Variants in STRN observed in about 807,000 individuals in gnomAD.
STRN encodes the protein protein phosphatase 2 regulatory subunit B'''alpha.
Under a neutral mutation model 96.3 loss-of-function variants are expected in STRN, and 53 were observed. That is an observed-to-expected ratio of 0.55 (90% confidence interval 0.44 to 0.69). The LOEUF (loss-of-function observed/expected upper bound fraction) is 0.69, where lower values mean the gene tolerates loss of function less well. Ranked by LOEUF, STRN falls within the 30% of genes least tolerant of loss-of-function variation. The pLI is 0.00. For synonymous variants in STRN, 428 were observed against 355.9 expected, an observed-to-expected ratio of 1.20 and a Z score of -2.28; for missense variants, 987 against 963.9, an observed-to-expected ratio of 1.02 and a Z score of -0.32.
In STRN at chr2:36,841,415, C is replaced by G. The variant is rs1667948228; in HGVS notation, c.*8041G>C. 6.6e-6 allele frequency: 1 copy of G among 152,076 alleles called. No individual in the cohort carries two copies. Among genetic ancestry groups the G allele is most frequent in the African/African-American group, 2.4e-5 (1 of 41,412 alleles). 9.4% of individuals were successfully genotyped at this position (152,076 alleles called of 1,614,324 possible). A position where few individuals can be genotyped will look rare whatever the true frequency, so the allele number is the denominator to read the frequency against. On this transcript the variant is annotated 3_prime_UTR_variant, in exon 18 of 18. Transcript: ENST00000263918. The stretch of plus-strand genomic sequence containing the variant: ...GAAGGTTGTTGGGGAGGGTATTATT[C>G]ACAAACAACTGTCAAAAGATATGAG...
chr2:36,838,328 G>A lies in STRN; in HGVS notation c.*11128C>T, dbSNP rs1363847507. 6.6e-6 allele frequency among the ~76,000 whole-genome samples: 1 copy of A among 152,176 alleles called. No homozygotes were observed. The highest frequency in any genetic ancestry group is 1.5e-5 in the Non-Finnish European group (1 of 68,032). On this transcript the variant is annotated 3_prime_UTR_variant, in exon 18 of 18. Transcript: ENST00000263918. ...CTTTAGTTGAGTACCCACCCTGGAA[G>A]ACACTTTCATTTCAGCCTTGTTGGG...
Position 36,849,350 on chromosome 2 carries a change from G to C in STRN, c.*106C>G, listed in dbSNP as rs551674560. The C allele has an allele frequency of 5.4e-6, 7 of 1,305,796 alleles. No homozygotes were observed. In the Admixed American group the frequency reaches 1.3e-4, roughly 25 times the overall value. 80.9% of individuals were successfully genotyped at this position (1,305,796 alleles called of 1,614,324 possible). A position where few individuals can be genotyped will look rare whatever the true frequency, so the allele number is the denominator to read the frequency against. On this transcript the variant is annotated 3_prime_UTR_variant, in exon 18 of 18. Transcript: ENST00000263918. Reference sequence around the variant, plus strand: ...AACAAATGTTCTCTGTGCTCCTTCAGCAGAACAAAAGGGCAGGACGAGATG... The same window carrying C: ...AACAAATGTTCTCTGTGCTCCTTCACCAGAACAAAAGGGCAGGACGAGATG...
chr2:36,892,675 C>A (rs1669431152), intron 7 of STRN, among the ~76,000 whole-genome samples: 1 of 152,128 alleles, frequency 6.6e-6, no homozygotes, highest in African/African-American at 2.4e-5. Context: ...CCCAAACCAA[C>A]AGATCCCTAT....
At chr2:36,929,789 CT>C (rs1670523779) in intron 1 of STRN, among the ~76,000 whole-genome samples, 1 of 152,126 alleles carries the variant, frequency 6.6e-6, no homozygotes, top group Non-Finnish European at 1.5e-5. Flanking sequence ...ACACAAAATT[CT>C]TGGGTTGGAC....
chr2:36,901,820 C>G (rs1669691350), intron 5 of STRN, among the ~76,000 whole-genome samples: 1 of 152,106 alleles, frequency 6.6e-6, no homozygotes, highest in Non-Finnish European at 1.5e-5. Context: ...TACCTAATCC[C>G]ATAATTTTAA....
At chr2:36,932,823 A>G (rs1318629552) in intron 1 of STRN, among the ~76,000 whole-genome samples, 1 of 152,180 alleles carries the variant, frequency 6.6e-6, no homozygotes, top group African/African-American at 2.4e-5. Flanking sequence ...TCGTATACAG[A>G]AAACCCTCAA....
Position 36,893,920 on chromosome 2 carries a change from A to C in STRN, c.909T>G (p.Ser303Arg), listed in dbSNP as rs765314389. The C allele has an allele frequency of 6.2e-7, 1 of 1,612,108 alleles. No individual in the cohort carries two copies. Among genetic ancestry groups the C allele is most frequent in the African/African-American group, 1.3e-5 (1 of 74,882 alleles). Reference protein sequence around the residue: ...TSEEGDNESRSAGDGTDWEKE... With the variant: ...TSEEGDNESRRAGDGTDWEKE... ...TACCCCAGTCTGTTCCATCGCCTGCACTTCTAGATTCATTGTCTCCTTCCT... is the reference window on the plus strand; with the variant it reads ...TACCCCAGTCTGTTCCATCGCCTGCCCTTCTAGATTCATTGTCTCCTTCCT... Residue 303 changes from serine to arginine, a missense_variant, in exon 7 of 18, where the codon AGT becomes AGG. By Grantham distance (110) the Ser-to-Arg change is moderately radical. Coordinates refer to ENST00000263918, the MANE Select transcript of STRN (RefSeq NM_003162.4).
chr2:36,849,400 T>C lies in STRN; in HGVS notation c.*56A>G. On this transcript the variant is annotated 3_prime_UTR_variant, in exon 18 of 18. Transcript: ENST00000263918. ...GATTCTTGCCCTCGTCTTCTGTATCTCTTGTGTGCAGTTGATTACTTATAA... is the reference window on the plus strand; with the variant it reads ...GATTCTTGCCCTCGTCTTCTGTATCCCTTGTGTGCAGTTGATTACTTATAA... 1 of 1,583,466 alleles carries C rather than the reference T, an allele frequency of 6.3e-7. No homozygotes were observed. The highest frequency in any genetic ancestry group is 8.6e-7 in the Non-Finnish European group (1 of 1,159,424).
chr2:36,886,454 T>C (rs757722286), intron 8 of STRN, among the ~76,000 whole-genome samples: 11 of 152,204 alleles, frequency 7.2e-5, no homozygotes, highest in South Asian at 4.1e-4. Flanking sequence ...TTTGAATACA[T>C]AGCCCAACAC....
intron 1 of STRN, among the ~76,000 whole-genome samples, chr2:36,941,017 G>C (rs1285111292): frequency 6.6e-6 from 1 of 151,988 alleles, no homozygotes; most frequent in African/African-American, 2.4e-5. Context: ...GCTGAACATG[G>C]TGGCACATGC....
chr2:36,864,935 G>A (rs1000772763), intron 12 of STRN, among the ~76,000 whole-genome samples: 37 of 152,166 alleles, frequency 2.4e-4, no homozygotes, highest in Admixed American at 3.9e-4. Flanking sequence ...GGCTGGTCTC[G>A]AACTCCTGAT....
intron 2 of STRN, among the ~76,000 whole-genome samples, chr2:36,922,540 A>AAAAT (rs1558654294): frequency 1.3e-5 from 2 of 150,762 alleles, no homozygotes; most frequent in Non-Finnish European, 1.5e-5. Context: ...AAAAAAAAAA[A>AAAAT]ATTAAACCTC....
chr2:36,878,185 T>C lies in STRN; in HGVS notation c.1187-158A>G, dbSNP rs114022079. ...AATTCAGTGAGCAGAAAATCCTAAA[T>C]AATTTATTGCTTTTTCCATATCTTA... On this transcript the variant is annotated intron_variant, in intron 9 of 17. Coordinates refer to ENST00000263918, the MANE Select transcript of STRN (RefSeq NM_003162.4). 8.3e-3 allele frequency among the ~76,000 whole-genome samples: 1,269 copies of C among 152,326 alleles called. 21 individuals are homozygous for C. Among genetic ancestry groups the C allele is most frequent in the African/African-American group, 0.029 (1,217 of 41,570 alleles).
Position 36,966,246 on chromosome 2 carries a change from T to A in STRN, c.218A>T (p.Glu73Val), listed in dbSNP as rs1348870406. Residue 73 changes from glutamate to valine, a missense_variant, in exon 1 of 18, where the codon GAG becomes GTG. Physicochemically the swap from Glu to Val is moderately radical, Grantham distance 121. Transcript: ENST00000263918. ...GGTCTTTACCTGCAGCTCCGCCCGC[T>A]CCACCTCCCACTGGGCTCTCTCCAC... Reference protein sequence around the residue: ...FEVERAQWEVERAELQAQIAF... With the variant: ...FEVERAQWEVVRAELQAQIAF... 2 of 1,576,920 alleles carry A rather than the reference T, an allele frequency of 1.3e-6. No homozygotes were observed. The highest frequency in any genetic ancestry group is 1.8e-5 in the Admixed American group (1 of 56,526).
chr2:36,940,985 T>A (rs1036110493), intron 1 of STRN, among the ~76,000 whole-genome samples: 3 of 151,782 alleles, frequency 2.0e-5, no homozygotes, highest in African/African-American at 7.3e-5. Context: ...AAACCTCCTA[T>A]CTACAAAAAA....
intron 4 of STRN, 110 bp downstream of exon 4, chr2:36,905,430 A>T: frequency 2.1e-6 from 2 of 945,678 alleles, no homozygotes; most frequent in South Asian, 2.9e-5. Flanking sequence ...TTTTCACAGC[A>T]TCTGTATGAG....
At chr2:36,895,169 G>T (rs202037865) in intron 6 of STRN, among the ~76,000 whole-genome samples, 1 of 151,714 alleles carries the variant, frequency 6.6e-6, no homozygotes, top group African/African-American at 2.4e-5. Context: ...CTACTAAAAA[G>T]ACAAAAAATT....
chr2:36,870,942 G>C (rs1445235465), intron 10 of STRN, among the ~76,000 whole-genome samples: 1 of 151,896 alleles, frequency 6.6e-6, no homozygotes, highest in Non-Finnish European at 1.5e-5. Context: ...GTTAATATGC[G>C]TATGTGTATT....
chr2:36,959,587 T>C (rs1664978919), intron 1 of STRN, among the ~76,000 whole-genome samples: 1 of 152,228 alleles, frequency 6.6e-6, no homozygotes, highest in African/African-American at 2.4e-5. Context: ...AAGATTACTC[T>C]GTCATTACAT....
Sources: gnomAD v4.1 joint callset for allele counts (sites outside exome capture counted in the v4.1 genomes callset) on GRCh38, gnomAD v4.1.1 for gene constraint, MANE v1.5 for transcripts, NCBI Gene and HGNC (gene_info 2026-07-23, HGNC 2026-07-21) for gene names.